Variants in PDE7B observed in about 807,000 individuals in gnomAD.
The protein encoded by PDE7B is 3',5'-cyclic-AMP phosphodiesterase 7B.
In PDE7B, 29 loss-of-function variants were observed where a neutral mutation model predicts 56.2. The ratio of observed to expected loss-of-function variants is 0.52; its 90% confidence interval spans 0.38 to 0.70. PDE7B has a LOEUF of 0.70. PDE7B is among the 30% of genes least tolerant of loss of function. The pLI is 0.00. For missense variants in PDE7B, 490 were observed against 565.0 expected (o/e 0.87, Z 1.35); for synonymous variants, 197 against 196.9 (o/e 1.00, Z 0.00).
intron 1 of PDE7B, among the ~76,000 whole-genome samples, chr6:135,855,229 A>G (rs1460864656): frequency 6.6e-6 from 1 of 152,244 alleles, no homozygotes; most frequent in Admixed American, 6.5e-5. Flanking sequence ...CTCCATTTAC[A>G]TGTAAATGTA....
At chr6:135,960,194 G>C (rs138669884) in intron 2 of PDE7B, among the ~76,000 whole-genome samples, 1 of 152,090 alleles carries the variant, frequency 6.6e-6, no homozygotes, top group Non-Finnish European at 1.5e-5. Flanking sequence ...TGACGGACAG[G>C]TCTCCAACAT....
chr6:135,918,067 T>A (rs897956776), intron 1 of PDE7B, among the ~76,000 whole-genome samples: 1 of 152,214 alleles, frequency 6.6e-6, no homozygotes, highest in Non-Finnish European at 1.5e-5. Flanking sequence ...TAAAAGAACC[T>A]TTATGCAGAT....
intron 8 of PDE7B, chr6:136,155,976 A>T: frequency 1.5e-6 from 1 of 685,478 alleles, no homozygotes. Context: ...AAGAGGTTTG[A>T]GGAATTAGCT....
rs142477243 is a variant in PDE7B, at chr6:135,951,636, A to C, written c.82+4112A>C. The stretch of plus-strand genomic sequence containing the variant: ...CTTTGTATCTCCTATTTTTCTTATT[A>C]TTAGAATGGGATTTTTTCAAATTAT... On this transcript the variant is annotated intron_variant, in intron 2 of 12. Transcript: ENST00000308191. Among the ~76,000 whole-genome samples, 124 of 152,240 alleles carry C rather than the reference A, an allele frequency of 8.1e-4. 2 individuals carry two copies. In the East Asian group the frequency reaches 0.023, roughly 28 times the overall value.
At chr6:135,932,012 G>C (rs1774302932) in intron 1 of PDE7B, among the ~76,000 whole-genome samples, 1 of 151,654 alleles carries the variant, frequency 6.6e-6, no homozygotes, top group Non-Finnish European at 1.5e-5. Flanking sequence ...CAAAAGCAGA[G>C]CCGAATATAT....
chr6:136,100,099 T>C (rs965234040), intron 2 of PDE7B, among the ~76,000 whole-genome samples: 1 of 152,242 alleles, frequency 6.6e-6, no homozygotes, highest in African/African-American at 2.4e-5. Context: ...TGTGGTGTTA[T>C]TTCTGAGGCC....
chr6:135,913,179 C>T (rs974719309), intron 1 of PDE7B, among the ~76,000 whole-genome samples: 1 of 152,116 alleles, frequency 6.6e-6, no homozygotes, highest in Non-Finnish European at 1.5e-5. Context: ...ATTGATTTTG[C>T]ACTTCCTCCT....
chr6:136,099,280 G>T (rs1403722947), intron 2 of PDE7B, among the ~76,000 whole-genome samples: 2 of 151,984 alleles, frequency 1.3e-5, no homozygotes, highest in South Asian at 2.1e-4. Flanking sequence ...TAATCCTTTG[G>T]GTATATACCC....
chr6:135,913,579 T>C (rs1583764235), intron 1 of PDE7B, among the ~76,000 whole-genome samples: 1 of 152,282 alleles, frequency 6.6e-6, no homozygotes, highest in East Asian at 1.9e-4. Context: ...TCCCACCTTT[T>C]AGTAGGTACC....
intron 2 of PDE7B, among the ~76,000 whole-genome samples, chr6:136,041,047 G>A (rs1423542140): frequency 6.6e-6 from 1 of 152,150 alleles, no homozygotes. Context: ...ATAACATTCT[G>A]TGTATATTTT....
chr6:136,067,495 T>G (rs1776962350), intron 2 of PDE7B, among the ~76,000 whole-genome samples: 1 of 152,180 alleles, frequency 6.6e-6, no homozygotes, highest in Non-Finnish European at 1.5e-5. Context: ...TGTGTTAGAA[T>G]TTAACATAAA....
intron 9 of PDE7B, among the ~76,000 whole-genome samples, chr6:136,175,244 T>C (rs1324117101): frequency 1.3e-5 from 2 of 152,248 alleles, no homozygotes; most frequent in African/African-American, 2.4e-5. Context: ...TACAATAATA[T>C]ATGTGAAAAC....
At chr6:135,957,770 C>G (rs1231024763) in intron 2 of PDE7B, among the ~76,000 whole-genome samples, 1 of 152,136 alleles carries the variant, frequency 6.6e-6, no homozygotes, top group Non-Finnish European at 1.5e-5. Context: ...ATTCTCCCAC[C>G]ACCCATGGTG....
At chr6:135,906,982 C>G (rs951398200) in intron 1 of PDE7B, among the ~76,000 whole-genome samples, 1 of 151,902 alleles carries the variant, frequency 6.6e-6, no homozygotes, top group Non-Finnish European at 1.5e-5. Context: ...AATTGCCCAC[C>G]TACCTATTCT....
chr6:135,980,261 C>A (rs1775271735), intron 2 of PDE7B, among the ~76,000 whole-genome samples: 1 of 152,086 alleles, frequency 6.6e-6, no homozygotes, highest in African/African-American at 2.4e-5. Flanking sequence ...AAACTGGATC[C>A]CTTCCTTACA....
chr6:136,141,311 G>A (rs1199621378), intron 3 of PDE7B, among the ~76,000 whole-genome samples: 1 of 152,160 alleles, frequency 6.6e-6, no homozygotes, highest in African/African-American at 2.4e-5. Context: ...TCCCAGGGAT[G>A]AAGCCCACTT....
At chr6:136,190,493 A>G (rs1307279733) in intron 12 of PDE7B, among the ~76,000 whole-genome samples, 8 of 152,222 alleles carry the variant, frequency 5.3e-5, no homozygotes, top group Admixed American at 5.2e-4. Context: ...GCCTGTAAAC[A>G]TACAGGATTA....
At chr6:136,145,257 C>T (rs1432391360) in intron 3 of PDE7B, among the ~76,000 whole-genome samples, 1 of 152,120 alleles carries the variant, frequency 6.6e-6, no homozygotes, top group African/African-American at 2.4e-5. Flanking sequence ...GGTTTACAAT[C>T]CATTCTTTCG....
intron 2 of PDE7B, among the ~76,000 whole-genome samples, chr6:136,012,997 C>T (rs1188896329): frequency 1.3e-5 from 2 of 152,030 alleles, no homozygotes; most frequent in Admixed American, 6.6e-5. Flanking sequence ...AACAAGACCA[C>T]CAGACGAAAG....
Sources: allele counts gnomAD v4.1 joint callset (sites outside exome capture counted in the v4.1 genomes callset), GRCh38; gene constraint gnomAD v4.1.1; transcripts MANE v1.5; gene names NCBI Gene and HGNC (gene_info 2026-07-23, HGNC 2026-07-21).